The following AMBP variants were observed in gnomAD, a reference collection of about 807,000 sequenced individuals.
AMBP encodes the protein protein AMBP.
Under a neutral mutation model 46.3 loss-of-function variants are expected in AMBP, and 37 were observed. The ratio of observed to expected loss-of-function variants is 0.80; its 90% CI spans 0.61 to 1.05. AMBP has a LOEUF of 1.05. AMBP is among the 50% of genes least tolerant of loss of function. AMBP has a pLI of 0.00. For synonymous variants in AMBP, 174 were observed against 175.9 expected, an observed-to-expected ratio of 0.99 and a Z score of 0.09; for missense variants, 475 against 461.2, an observed-to-expected ratio of 1.03 and a Z score of -0.27.
intron 3 of AMBP, among the ~76,000 whole-genome samples, chr9:114,074,653 C>T (rs192628581): frequency 1.5e-4 from 23 of 152,288 alleles, no homozygotes; most frequent in East Asian, 1.3e-3. Flanking sequence ...GCACACTGTA[C>T]GTGGTAGATG....
chr9:114,078,071 CCA>C lies in AMBP; in HGVS notation c.117+20_117+21del. The C allele has an allele frequency of 6.2e-7, 1 of 1,613,456 alleles. No homozygotes were observed. Among genetic ancestry groups the C allele is most frequent in the Non-Finnish European group, 8.5e-7 (1 of 1,179,538 alleles). On this transcript the variant is annotated intron_variant, in intron 1 of 9. Coordinates refer to ENST00000265132, the MANE Select transcript of AMBP (RefSeq NM_001633.4). ...ACTCCCCATCACCACATCCACCCTA[CCA>C]CAGAGAGCGGCAGCCTTACCCGAGA...
chr9:114,060,988 C>T lies in AMBP; in HGVS notation c.964G>A (p.Gly322Ser). Residue 322 changes from glycine to serine, a missense_variant, in exon 9 of 10, where the codon GGC (glycine) becomes AGC (serine). Gly to Ser is a moderately conservative substitution (Grantham distance 56). Transcript: ENST00000265132. ...CVLFPYGGCQ[G>S]NGNKFYSEKE... is the part of the protein sequence containing the mutation. Reference sequence around the variant, plus strand: ...TCTGAGTAGAACTTGTTCCCGTTGCCCTGGCAGCCCCCGTAGGGGAAGAGG... The same window carrying T: ...TCTGAGTAGAACTTGTTCCCGTTGCTCTGGCAGCCCCCGTAGGGGAAGAGG... 1 of 1,614,244 alleles carries T rather than the reference C, an allele frequency of 6.2e-7. No homozygotes were observed.
intron 6 of AMBP, 134 bp downstream of exon 6, chr9:114,069,565 C>CA (rs11373170): frequency 0.22 from 185,082 of 835,454 alleles, 21,746 homozygotes; most frequent in East Asian, 0.26. Flanking sequence ...CTTCAACACT[C>CA]ATGGCCATCG....
chr9:114,077,860 C>A (rs1220420931), intron 1 of AMBP, among the ~76,000 whole-genome samples: 1 of 152,238 alleles, frequency 6.6e-6, no homozygotes, highest in Admixed American at 6.5e-5. Flanking sequence ...AAGGGTTCCC[C>A]TTGGAGCCCA....
Position 114,069,690 on chromosome 9 carries a change from G to A in AMBP, c.603+9C>T. The A allele has an allele frequency of 6.2e-7, 1 of 1,612,024 alleles. No individual in the cohort carries two copies. Among genetic ancestry groups the A allele is most frequent in the Non-Finnish European group, 8.5e-7 (1 of 1,179,504 alleles). The stretch of plus-strand genomic sequence containing the variant: ...GGGGTGGGATGGGGTCGGGGGATGA[G>A]GCACTCACCGGGATTAAGATGGGCT... On this transcript the variant is annotated intron_variant, in intron 6 of 9. Transcript: ENST00000265132.
chr9:114,060,946 A>T lies in AMBP; in HGVS notation c.1006T>A (p.Tyr336Asn). 1 of 1,614,094 alleles carries T rather than the reference A, an allele frequency of 6.2e-7. No individual in the cohort carries two copies. Among genetic ancestry groups the T allele is most frequent in the Non-Finnish European group, 8.5e-7 (1 of 1,179,980 alleles). The part of the protein sequence containing the change: ...KFYSEKECRE[Y>N]CGVPGDGDEE... ...CTACCATCACCAGGGACACCGCAGTACTCTCTGCACTCCTTCTCTGAGTAG... is the reference window on the plus strand; with the variant it reads ...CTACCATCACCAGGGACACCGCAGTTCTCTCTGCACTCCTTCTCTGAGTAG... The change falls in exon 9 of 10, where the codon TAC (tyrosine) becomes AAC (asparagine). Residue 336 changes from tyrosine to asparagine, a missense_variant. Tyr to Asn is a moderately radical substitution (Grantham distance 143). This residue lies in a region of AMBP where 293 missense variants were observed against 276.9 expected (regional missense o/e 1.06). Coordinates refer to ENST00000265132, the MANE Select transcript of AMBP (RefSeq NM_001633.4).
intron 6 of AMBP, among the ~76,000 whole-genome samples, chr9:114,063,446 A>G: frequency 6.6e-6 from 1 of 152,236 alleles, no homozygotes; most frequent in East Asian, 1.9e-4. Flanking sequence ...AACACTGTGA[A>G]AACTGTCAGG....
chr9:114,072,908 G>C lies in AMBP; in HGVS notation c.556+17C>G. On this transcript the variant is annotated intron_variant, in intron 5 of 9. Transcript: ENST00000265132. ...CGAAGAGGGGACAGGAATTTGAGGC[G>C]GAGGGGTGCTATGTACCTCGGTCAG... 6.2e-7 allele frequency: 1 copy of C among 1,610,592 alleles called. No homozygotes were observed. The highest frequency in any genetic ancestry group is 8.5e-7 in the Non-Finnish European group (1 of 1,177,288).
At chr9:114,061,653 G>C (rs1355454618) in intron 7 of AMBP, 62 bp from the exon 8 acceptor site, 1 of 1,490,082 alleles carries the variant, frequency 6.7e-7, no homozygotes, top group African/African-American at 1.4e-5. Context: ...TATCAGGCTG[G>C]GCACTTGATA....
chr9:114,074,221 A>C (rs1265706878), intron 3 of AMBP, 69 bp from the exon 4 acceptor site: 2 of 1,217,832 alleles, frequency 1.6e-6, no homozygotes, highest in Non-Finnish European at 2.4e-6. Context: ...GAGGTCCGTC[A>C]CCTGTTTACT....
intron 4 of AMBP, among the ~76,000 whole-genome samples, chr9:114,073,583 A>G (rs1846769296): frequency 6.8e-6 from 1 of 146,096 alleles, no homozygotes; most frequent in Admixed American, 7.0e-5. Flanking sequence ...TTGTAGCCTC[A>G]TACTCCTGGG....
intron 4 of AMBP, among the ~76,000 whole-genome samples, chr9:114,073,783 G>A (rs1203167568): frequency 6.6e-6 from 1 of 152,174 alleles, no homozygotes; most frequent in Admixed American, 6.5e-5. Context: ...ACAGGTGTGA[G>A]CCACAGCCCC....
chr9:114,065,533 T>C (rs1007579740), intron 6 of AMBP, among the ~76,000 whole-genome samples: 1 of 152,144 alleles, frequency 6.6e-6, no homozygotes, highest in Admixed American at 6.5e-5. Flanking sequence ...CAAATCTGTG[T>C]TGTTTAAATC....
At chr9:114,077,971 A>G (rs1846832169) in intron 1 of AMBP, 122 bp downstream of exon 1, 1 of 946,124 alleles carries the variant, frequency 1.1e-6, no homozygotes, top group African/African-American at 1.6e-5. Context: ...AGGATCCCAT[A>G]ATCCCAGATG....
At position 114,060,985 on chromosome 9, in the gene AMBP, T is replaced by G; in HGVS notation, c.967A>C (p.Asn323His). The G allele has an allele frequency of 6.2e-7, 1 of 1,614,246 alleles. No homozygotes were observed. Among genetic ancestry groups the G allele is most frequent in the Non-Finnish European group, 8.5e-7 (1 of 1,180,042 alleles). ...VLFPYGGCQG[N>H]GNKFYSEKEC... ...TTCTCTGAGTAGAACTTGTTCCCGT[T>G]GCCCTGGCAGCCCCCGTAGGGGAAG... The change falls in exon 9 of 10, where the codon AAC (asparagine) becomes CAC (histidine). Residue 323 changes from asparagine (N) to histidine (H), a missense_variant. Coordinates refer to ENST00000265132, the MANE Select transcript of AMBP (RefSeq NM_001633.4).
intron 9 of AMBP, 123 bp downstream of exon 9, chr9:114,060,802 T>C: frequency 8.6e-7 from 1 of 1,157,864 alleles, no homozygotes; most frequent in Non-Finnish European, 1.2e-6. Flanking sequence ...AGAGAGTAGA[T>C]GGGCTGCTTA....
chr9:114,076,823 ACCTCCTCCTCTT>A, intron 1 of AMBP, 83 bp from the exon 2 acceptor site: 5 of 1,490,408 alleles, frequency 3.4e-6, no homozygotes, highest in Non-Finnish European at 4.6e-6. Flanking sequence ...CCCACCCTCC[ACCTCCTCCTCTT>A]CCTCCTCCTT....
In AMBP at chr9:114,061,525, C is replaced by T. The variant is rs1846639052; in HGVS notation, c.752G>A (p.Gly251Asp). Residue 251 changes from glycine (G) to aspartate (D), a missense_variant, in exon 8 of 10, where the codon GGT becomes GAT. Physicochemically the swap from Gly to Asp is moderately conservative, Grantham distance 94 (BLOSUM62 -1). Transcript: ENST00000265132. ...MGMTSRYFYN[G>D]TSMACETFQY... ...GAAAGTCTCACAGGCCATGGATGTA[C>T]CATTATAGAAATACCTGCTGGTCAT... 11 of 1,613,996 alleles carry T rather than the reference C, an allele frequency of 6.8e-6. No homozygotes were observed. The highest frequency in any genetic ancestry group is 7.6e-6 in the Non-Finnish European group (9 of 1,179,956).
At chr9:114,062,343 A>G (rs190067658) in intron 7 of AMBP, among the ~76,000 whole-genome samples, 14 of 152,306 alleles carry the variant, frequency 9.2e-5, no homozygotes, top group Admixed American at 2.6e-4. Flanking sequence ...TCCTCCTACA[A>G]GAGCCCTGAT....
Sources: allele counts gnomAD v4.1 joint callset (sites outside exome capture counted in the v4.1 genomes callset), GRCh38; gene constraint gnomAD v4.1.1; regional missense constraint gnomAD v4.1.1; transcripts MANE v1.5; gene names NCBI Gene and HGNC (gene_info 2026-07-23, HGNC 2026-07-21).